ZBTB16: variants seen among roughly 807,000 people sequenced by gnomAD.
The protein encoded by ZBTB16 is zinc finger and BTB domain-containing protein 16.
ZBTB16 carries 8 observed loss-of-function variants against 56.8 expected under a neutral mutation model. That is an observed-to-expected ratio of 0.14 (90% CI 0.08 to 0.25). ZBTB16 has a LOEUF of 0.25. Ranked by LOEUF, ZBTB16 falls within the 10% of genes least tolerant of loss-of-function variation. The pLI is 1.00. For missense variants in ZBTB16, 625 were observed against 903.0 expected, an observed-to-expected ratio of 0.69 and a Z score of 3.95; for synonymous variants, 363 against 368.5, an observed-to-expected ratio of 0.98 and a Z score of 0.17.
intron 2 of ZBTB16, among the ~76,000 whole-genome samples, chr11:114,096,691 C>T (rs1482707812): frequency 1.3e-5 from 2 of 152,158 alleles, no homozygotes; most frequent in African/African-American, 4.8e-5. Context: ...ACTGCTCACC[C>T]CCATCAAATG....
chr11:114,163,487 G>A (rs1261055478), intron 3 of ZBTB16, among the ~76,000 whole-genome samples: 1 of 152,062 alleles, frequency 6.6e-6, no homozygotes, highest in South Asian at 2.1e-4. Flanking sequence ...ATGGTGCTGG[G>A]TGCGATGCTG....
chr11:114,235,444 T>A (rs1445842752), intron 4 of ZBTB16, among the ~76,000 whole-genome samples: 2 of 152,236 alleles, frequency 1.3e-5, no homozygotes, highest in African/African-American at 4.8e-5. Context: ...CCTTCCCATC[T>A]ATTAAAGAGA....
At chr11:114,114,755 C>T (rs1272202703) in intron 2 of ZBTB16, among the ~76,000 whole-genome samples, 1 of 151,670 alleles carries the variant, frequency 6.6e-6, no homozygotes, top group East Asian at 1.9e-4. Context: ...TCTTGGCTCA[C>T]TGCAACCTCT....
chr11:114,106,049 TA>T, intron 2 of ZBTB16, among the ~76,000 whole-genome samples: 1 of 152,362 alleles, frequency 6.6e-6, no homozygotes, highest in African/African-American at 2.4e-5. Context: ...TAATATTGCA[TA>T]ATGCTTTTCT....
At chr11:114,212,101 G>GAAA (rs1944009891) in intron 4 of ZBTB16, among the ~76,000 whole-genome samples, 2 of 151,902 alleles carry the variant, frequency 1.3e-5, no homozygotes, top group African/African-American at 4.8e-5. Context: ...TGGACCGGGC[G>GAAA]AGCTGTGCAC....
intron 4 of ZBTB16, among the ~76,000 whole-genome samples, chr11:114,233,119 ACACACACTCTCT>A (rs368701801): frequency 0.14 from 8,801 of 60,918 alleles, 472 homozygotes; most frequent in South Asian, 0.25. Flanking sequence ...ACACACACAC[ACACACACTCTCT>A]CTCTCTCACA....
intron 2 of ZBTB16, among the ~76,000 whole-genome samples, chr11:114,113,050 C>T (rs7127871): frequency 0.017 from 2,643 of 152,268 alleles, 65 homozygotes; most frequent in African/African-American, 0.059. Flanking sequence ...GCCGGGATTA[C>T]ATGCATGAGC....
At chr11:114,099,526 G>C (rs1444212664) in intron 2 of ZBTB16, among the ~76,000 whole-genome samples, 2 of 151,632 alleles carry the variant, frequency 1.3e-5, no homozygotes. Flanking sequence ...TTTAATCTAA[G>C]TCTCCAGTGT....
chr11:114,107,180 C>G (rs1393935103), intron 2 of ZBTB16, among the ~76,000 whole-genome samples: 1 of 152,128 alleles, frequency 6.6e-6, no homozygotes, highest in African/African-American at 2.4e-5. Flanking sequence ...GGATCAGTGA[C>G]TTGCGCAAGG....
intron 2 of ZBTB16, among the ~76,000 whole-genome samples, chr11:114,082,210 T>A (rs1278440627): frequency 6.6e-6 from 1 of 151,702 alleles, no homozygotes; most frequent in Non-Finnish European, 1.5e-5. Flanking sequence ...AACTTATAAG[T>A]TCAAGGCTGT....
At chr11:114,233,125 A>T (rs12788973) in intron 4 of ZBTB16, among the ~76,000 whole-genome samples, 6,330 of 54,184 alleles carry the variant, frequency 0.12, 357 homozygotes, top group African/African-American at 0.18. Context: ...ACACACACAC[A>T]CTCTCTCTCT....
chr11:114,148,421 C>CTCTCTCTCTCTCTCTGTCTG (rs770626931), intron 2 of ZBTB16, among the ~76,000 whole-genome samples: 4 of 33,578 alleles, frequency 1.2e-4, no homozygotes, highest in Admixed American at 6.6e-4. Flanking sequence ...CCCTCCCTCC[C>CTCTCTCTCTCTCTCTGTCTG]TCCCTCTCTC....
intron 3 of ZBTB16, among the ~76,000 whole-genome samples, chr11:114,157,564 C>CTGT (rs1942451786): frequency 6.6e-6 from 1 of 152,212 alleles, no homozygotes; most frequent in Admixed American, 6.5e-5. Flanking sequence ...CGCTCGTTCC[C>CTGT]TGCCTGCCTG....
At chr11:114,099,919 C>A (rs1940549322) in intron 2 of ZBTB16, among the ~76,000 whole-genome samples, 1 of 152,232 alleles carries the variant, frequency 6.6e-6, no homozygotes, top group South Asian at 2.1e-4. Flanking sequence ...CTGTGCCTTC[C>A]TAAGAGGTGT....
chr11:114,063,415 A>T lies in ZBTB16; in HGVS notation c.115A>T (p.Met39Leu). 1 of 1,614,168 alleles carries T rather than the reference A, an allele frequency of 6.2e-7. No individual in the cohort carries two copies. Among genetic ancestry groups the T allele is most frequent in the Non-Finnish European group, 8.5e-7 (1 of 1,180,034 alleles). ...LAGTLCDVVI[M>L]VDSQEFHAHR... The stretch of plus-strand genomic sequence containing the variant: ...CGGGACTTTGTGCGATGTGGTCATC[A>T]TGGTGGACAGCCAGGAGTTCCACGC... The change falls in exon 2 of 7, where the codon ATG (methionine) becomes TTG (leucine). Residue 39 changes from methionine (M) to leucine (L), a missense_variant. Met to Leu is a conservative substitution (Grantham distance 15). Transcript: ENST00000335953. This position sits in a 1 kb window ranked among gnomAD's most constrained non-coding sequence, Gnocchi z 6.5.
chr11:114,218,270 T>A (rs1565692086), intron 4 of ZBTB16, among the ~76,000 whole-genome samples: 1 of 152,174 alleles, frequency 6.6e-6, no homozygotes, highest in Non-Finnish European at 1.5e-5. Flanking sequence ...TGCACATGTG[T>A]CTCTCTTTTC....
chr11:114,155,579 A>G (rs1045939300), intron 2 of ZBTB16, among the ~76,000 whole-genome samples: 1 of 152,188 alleles, frequency 6.6e-6, no homozygotes, highest in African/African-American at 2.4e-5. Context: ...TCACAGAATC[A>G]CAGTAATGGC....
At chr11:114,148,744 C>T (rs947795107) in intron 2 of ZBTB16, among the ~76,000 whole-genome samples, 7 of 151,990 alleles carry the variant, frequency 4.6e-5, no homozygotes, top group Middle Eastern at 3.4e-3. Context: ...CTGCCGGTCA[C>T]AGCCTCCCAA....
intron 4 of ZBTB16, among the ~76,000 whole-genome samples, chr11:114,192,548 CT>C (rs1943522322): frequency 6.6e-6 from 1 of 152,220 alleles, no homozygotes; most frequent in Admixed American, 6.5e-5. Context: ...CTTGCCTTTT[CT>C]GAGTGGAAAA....
Sources: gnomAD v4.1 joint callset for allele counts (sites outside exome capture counted in the v4.1 genomes callset) on GRCh38, gnomAD v4.1.1 for gene constraint, Gnocchi (gnomAD v3.1) non-coding constraint, MANE v1.5 for transcripts, NCBI Gene and HGNC (gene_info 2026-07-23, HGNC 2026-07-21) for gene names.